Variants in SGCD observed in about 807,000 individuals in gnomAD.
The protein encoded by SGCD is sarcoglycan delta.
Under a neutral mutation model 36.6 loss-of-function variants are expected in SGCD, and 18 were observed. The ratio of observed to expected loss-of-function variants is 0.49; its 90% CI spans 0.34 to 0.73. SGCD has a LOEUF of 0.73. Among genes scored for constraint, SGCD ranks in the 30% least tolerant of loss-of-function variants. The pLI, the probability that SGCD is intolerant of heterozygous loss-of-function variation, is 0.01. For synonymous variants in SGCD, 133 were observed against 130.6 expected (o/e 1.02, Z -0.12); for missense variants, 387 against 346.7 (o/e 1.12, Z -0.92).
At chr5:156,194,176 G>C (rs536028896) in intron 3 of SGCD, among the ~76,000 whole-genome samples, 1 of 152,062 alleles carries the variant, frequency 6.6e-6, no homozygotes, top group Non-Finnish European at 1.5e-5. Context: ...ATAAGTTCAG[G>C]GCCAGCCTGG....
At chr5:156,289,472 C>G (rs971841416) in intron 3 of SGCD, among the ~76,000 whole-genome samples, 8 of 151,890 alleles carry the variant, frequency 5.3e-5, no homozygotes, top group Non-Finnish European at 8.8e-5. Flanking sequence ...CCTCACCCCC[C>G]ACAGGCCCCG....
chr5:156,248,298 G>T (rs903642871), intron 3 of SGCD, among the ~76,000 whole-genome samples: 2 of 152,124 alleles, frequency 1.3e-5, no homozygotes, highest in Admixed American at 6.5e-5. Context: ...GAGATGGGCA[G>T]ATTACAAGGT....
At chr5:156,449,935 A>G (rs1753935526) in intron 3 of SGCD, among the ~76,000 whole-genome samples, 1 of 151,644 alleles carries the variant, frequency 6.6e-6, no homozygotes, top group African/African-American at 2.4e-5. Context: ...GTGTGTGCAT[A>G]TTTGGGTTAT....
At chr5:156,087,336 G>A (rs1761122430) in intron 1 of SGCD, among the ~76,000 whole-genome samples, 1 of 152,100 alleles carries the variant, frequency 6.6e-6, no homozygotes, top group African/African-American at 2.4e-5. Context: ...CCCTTGAACA[G>A]CCATTAGAAT....
At chr5:156,163,507 C>T (rs1763134254) in intron 3 of SGCD, among the ~76,000 whole-genome samples, 1 of 151,612 alleles carries the variant, frequency 6.6e-6, no homozygotes, top group African/African-American at 2.4e-5. Context: ...TGTGCTTTCT[C>T]CACCTAGTAA....
intron 8 of SGCD, among the ~76,000 whole-genome samples, chr5:156,758,297 A>G (rs1452224597): frequency 6.6e-6 from 1 of 152,220 alleles, no homozygotes; most frequent in African/African-American, 2.4e-5. Flanking sequence ...ACCCACACCC[A>G]AAATGTGATT....
the SGCD span, among the ~76,000 whole-genome samples, chr5:155,826,482 T>C: frequency 6.6e-6 from 1 of 152,204 alleles, no homozygotes; most frequent in Non-Finnish European, 1.5e-5. Flanking sequence ...CTCTTCCCAC[T>C]GTGGCTCCAT....
chr5:155,905,958 T>C (rs948213798), intron 1 of SGCD, among the ~76,000 whole-genome samples: 4 of 152,150 alleles, frequency 2.6e-5, no homozygotes, highest in African/African-American at 9.7e-5. Flanking sequence ...TACATTGTGC[T>C]TCTCAGATAT....
intron 7 of SGCD, among the ~76,000 whole-genome samples, chr5:156,747,989 T>A (rs775986371): frequency 6.6e-6 from 1 of 152,204 alleles, no homozygotes; most frequent in Non-Finnish European, 1.5e-5. Flanking sequence ...AACAACCAGA[T>A]GTCAATTAAC....
At chr5:156,531,921 CA>C (rs770005447) in intron 4 of SGCD, among the ~76,000 whole-genome samples, 16 of 151,994 alleles carry the variant, frequency 1.1e-4, no homozygotes, top group Non-Finnish European at 1.9e-4. Flanking sequence ...CCAGCCTGGC[CA>C]ACATGGTGAA....
At chr5:156,036,099 T>A (rs183388722) in intron 1 of SGCD, among the ~76,000 whole-genome samples, 1 of 152,260 alleles carries the variant, frequency 6.6e-6, no homozygotes, top group East Asian at 1.9e-4. Context: ...GGAAGCTAAA[T>A]AAGCTGTTAT....
intron 6 of SGCD, among the ~76,000 whole-genome samples, chr5:156,629,016 G>T (rs545767945): frequency 2.2e-4 from 33 of 152,282 alleles, no homozygotes; most frequent in Non-Finnish European, 4.3e-4. Flanking sequence ...TTAAGTTCTC[G>T]ATAAGTGTAA....
At chr5:155,989,891 C>T (rs1288301843) in intron 1 of SGCD, among the ~76,000 whole-genome samples, 2 of 152,186 alleles carry the variant, frequency 1.3e-5, no homozygotes, top group East Asian at 3.8e-4. Flanking sequence ...ACATGAAGAA[C>T]TAGTTCGACT....
chr5:156,381,177 T>C (rs1770954554), intron 3 of SGCD, among the ~76,000 whole-genome samples: 1 of 152,158 alleles, frequency 6.6e-6, no homozygotes, highest in African/African-American at 2.4e-5. Flanking sequence ...ATTCTAGCAG[T>C]TCTGAGGCTC....
At chr5:155,761,794 C>T in the SGCD span, among the ~76,000 whole-genome samples, 1 of 152,036 alleles carries the variant, frequency 6.6e-6, no homozygotes, top group Admixed American at 6.6e-5. Flanking sequence ...CCATCACCAT[C>T]TCCATCATCC....
intron 3 of SGCD, among the ~76,000 whole-genome samples, chr5:156,213,213 G>C (rs1230228051): frequency 6.6e-6 from 1 of 151,758 alleles, no homozygotes; most frequent in Admixed American, 6.6e-5. Context: ...AAAACTAAGG[G>C]TTGTTTTTTG....
intron 1 of SGCD, among the ~76,000 whole-genome samples, chr5:156,056,645 TAAAAAAAA>T: frequency 1.5e-5 from 1 of 68,280 alleles, no homozygotes; most frequent in East Asian, 6.4e-4. Context: ...AAATTATCCT[TAAAAAAAA>T]AAAAAAAAAA....
chr5:155,762,664 G>T, the SGCD span, among the ~76,000 whole-genome samples: 1 of 152,186 alleles, frequency 6.6e-6, no homozygotes, highest in Non-Finnish European at 1.5e-5. Flanking sequence ...TCACCCAGCA[G>T]CTGGACCAGC....
At chr5:156,377,720 A>T (rs1770742805) in intron 3 of SGCD, among the ~76,000 whole-genome samples, 1 of 152,154 alleles carries the variant, frequency 6.6e-6, no homozygotes, top group Admixed American at 6.5e-5. Flanking sequence ...CACACTCTTT[A>T]CTACCAATAA....
Sources: gnomAD v4.1 joint callset for allele counts (sites outside exome capture counted in the v4.1 genomes callset) on GRCh38, gnomAD v4.1.1 for gene constraint, MANE v1.5 for transcripts, NCBI Gene and HGNC (gene_info 2026-07-23, HGNC 2026-07-21) for gene names.